Variants in ALLC observed in about 807,000 individuals in gnomAD.
ALLC encodes the protein probable inactive allantoicase.
In ALLC, 40 loss-of-function variants were observed where a neutral mutation model predicts 45.0. That is an observed-to-expected ratio of 0.89 (90% CI 0.69 to 1.16). The LOEUF is 1.16. Among genes scored for constraint, ALLC ranks in the 50% most tolerant of loss-of-function variants. ALLC has a pLI of 0.00. For synonymous variants in ALLC, 176 were observed against 178.1 expected, an observed-to-expected ratio of 0.99 and a Z score of 0.09; for missense variants, 488 against 493.1, an observed-to-expected ratio of 0.99 and a Z score of 0.10.
At chr2:3,695,149 A>G (rs1208329395) in intron 7 of ALLC, 1 of 153,412 alleles carries the variant, frequency 6.5e-6, no homozygotes, top group African/African-American at 2.4e-5. Flanking sequence ...GAATTTCCCG[A>G]ATGCTGTTTG....
intron 3 of ALLC, among the ~76,000 whole-genome samples, chr2:3,676,124 A>G (rs944116465): frequency 2.0e-5 from 3 of 152,262 alleles, no homozygotes; most frequent in Non-Finnish European, 4.4e-5. Context: ...GTTTCAACAT[A>G]CAAATTTTGG....
At chr2:3,698,998 T>C (rs1481916659) in intron 10 of ALLC, among the ~76,000 whole-genome samples, 1 of 152,190 alleles carries the variant, frequency 6.6e-6, no homozygotes, top group Non-Finnish European at 1.5e-5. Context: ...TTTTAACTTA[T>C]TTTGGAAAGA....
intron 8 of ALLC, 118 bp downstream of exon 8, chr2:3,695,990 G>A (rs1572532304): frequency 1.9e-6 from 2 of 1,075,124 alleles, no homozygotes; most frequent in Non-Finnish European, 2.6e-6. Context: ...AGCAGTGGAT[G>A]AGATTAATCT....
At position 3,671,120 on chromosome 2, in the gene ALLC, AG is replaced by A; in HGVS notation, c.-35del. 1 of 1,605,154 alleles carries A rather than the reference AG, an allele frequency of 6.2e-7. No individual in the cohort carries two copies. The highest frequency in any genetic ancestry group is 1.7e-5 in the Admixed American group (1 of 58,808). ...GGAAGCACGGCTGATGCTCCGAAGGAGGGAAGACTGACCCGGTTTCTGGACT... is the reference window on the plus strand; with the variant it reads ...GGAAGCACGGCTGATGCTCCGAAGGAGGAAGACTGACCCGGTTTCTGGACT... On this transcript the variant is annotated 5_prime_UTR_variant, in exon 2 of 12. The change abolishes the stop of an existing upstream ORF in the 5' untranslated region. Coordinates refer to ENST00000252505, the MANE Select transcript of ALLC (RefSeq NM_018436.4).
At chr2:3,651,642 A>T in the ALLC span, among the ~76,000 whole-genome samples, 5 of 151,916 alleles carry the variant, frequency 3.3e-5, no homozygotes, top group South Asian at 2.1e-4. Context: ...CAGGAGAAAG[A>T]AAGGTCACTT....
At chr2:3,661,497 G>T (rs1215937896) in intron 1 of ALLC, among the ~76,000 whole-genome samples, 3 of 152,204 alleles carry the variant, frequency 2.0e-5, no homozygotes, top group African/African-American at 7.2e-5. Context: ...AGGACCATCT[G>T]CTGGAGGGAA....
At chr2:3,701,665 C>A in intron 11 of ALLC, 29 bp downstream of exon 11, 1 of 1,601,656 alleles carries the variant, frequency 6.2e-7, no homozygotes, top group Non-Finnish European at 8.5e-7. Context: ...TCGGATCCAG[C>A]ACTCAGACTG....
chr2:3,646,619 G>T, the ALLC span, among the ~76,000 whole-genome samples: 3 of 152,146 alleles, frequency 2.0e-5, no homozygotes, highest in African/African-American at 4.8e-5. Context: ...CCGCTGCCTC[G>T]CCTGCTGGAA....
Position 3,695,700 on chromosome 2 carries a change from G to A in ALLC, c.512-17G>A. ...GCCATTTTTACAAACAATAACTAAG[G>A]CACCTTTCCTTTTCAGATGGTGGAA... On this transcript the variant is annotated splice_polypyrimidine_tract_variant and intron_variant, in intron 7 of 11. Transcript: ENST00000252505. 1 of 1,613,896 alleles carries A rather than the reference G, an allele frequency of 6.2e-7. No individual in the cohort carries two copies. The highest frequency in any genetic ancestry group is 8.5e-7 in the Non-Finnish European group (1 of 1,179,834).
chr2:3,648,985 C>T, the ALLC span, among the ~76,000 whole-genome samples: 1 of 152,058 alleles, frequency 6.6e-6, no homozygotes, highest in Non-Finnish European at 1.5e-5. Flanking sequence ...GTACTGAGTA[C>T]CTGGCCCCGT....
chr2:3,672,306 G>C (rs111831394), intron 2 of ALLC, among the ~76,000 whole-genome samples: 3 of 105,114 alleles, frequency 2.9e-5, no homozygotes, highest in Non-Finnish European at 6.0e-5. Context: ...TGGTTAGATC[G>C]GAAGTCCTCT....
At chr2:3,662,492 G>A (rs1159833472) in intron 1 of ALLC, among the ~76,000 whole-genome samples, 1 of 152,250 alleles carries the variant, frequency 6.6e-6, no homozygotes, top group East Asian at 1.9e-4. Context: ...ATGAGTGGAT[G>A]CTTTAGGAAT....
At chr2:3,700,750 A>T (rs1235772499) in intron 10 of ALLC, among the ~76,000 whole-genome samples, 1 of 152,180 alleles carries the variant, frequency 6.6e-6, no homozygotes, top group Non-Finnish European at 1.5e-5. Flanking sequence ...TTGTGTCCGT[A>T]TGCACCCCAG....
chr2:3,656,824 G>A (rs1286699835), upstream of ALLC, among the ~76,000 whole-genome samples: 7 of 145,864 alleles, frequency 4.8e-5, no homozygotes, highest in Admixed American at 2.0e-4. Context: ...AGGGTGTGGA[G>A]GGCAGAGGTC....
At chr2:3,657,272 G>GC (rs1666464861), upstream of ALLC, among the ~76,000 whole-genome samples, 2 of 152,178 alleles carry the variant, frequency 1.3e-5, no homozygotes, top group Admixed American at 6.5e-5. Context: ...GTGGCCTTGA[G>GC]CCGGCCTTTC....
Position 3,680,219 on chromosome 2 carries a change from A to G in ALLC, c.298+225A>G, listed in dbSNP as rs769265386. 6.6e-6 allele frequency among the ~76,000 whole-genome samples: 1 copy of G among 152,160 alleles called. No individual in the cohort carries two copies. Among genetic ancestry groups the G allele is most frequent in the African/African-American group, 2.4e-5 (1 of 41,428 alleles). On this transcript the variant is annotated intron_variant, in intron 5 of 11. Coordinates refer to ENST00000252505, the MANE Select transcript of ALLC (RefSeq NM_018436.4). The surrounding 1 kb of genome is among the most constrained non-coding windows in gnomAD (Gnocchi z 4.0). ...GTGTTAACAGCCAGATATAGATTTT[A>G]TCATTCCCACGGTCCTTCAGCTTCA...
chr2:3,655,302 C>T (rs1240157104), upstream of ALLC, among the ~76,000 whole-genome samples: 5 of 152,212 alleles, frequency 3.3e-5, no homozygotes, highest in East Asian at 1.9e-4. Flanking sequence ...CACCCACATT[C>T]GGGGAGAAGA....
chr2:3,649,741 G>A, the ALLC span, among the ~76,000 whole-genome samples: 1 of 152,230 alleles, frequency 6.6e-6, no homozygotes, highest in Non-Finnish European at 1.5e-5. Flanking sequence ...CAACACACCC[G>A]CACTCACACA....
At chr2:3,688,716 C>T (rs115100223) in intron 7 of ALLC, 2,229 of 152,544 alleles carry the variant, frequency 0.015, 77 homozygotes, top group African/African-American at 0.051. Flanking sequence ...TAATCAGCAC[C>T]GCTGTCATTT....
Sources: gnomAD v4.1 joint callset for allele counts (sites outside exome capture counted in the v4.1 genomes callset) on GRCh38, gnomAD v4.1.1 for gene constraint, Gnocchi (gnomAD v3.1) non-coding constraint, MANE v1.5 for transcripts, NCBI Gene and HGNC (gene_info 2026-07-23, HGNC 2026-07-21) for gene names.